The following KIF21A variants were observed in gnomAD, a reference collection of about 807,000 sequenced individuals.
KIF21A encodes the protein kinesin family member 21A, also known as kinesin-like protein KIF21A.
A neutral mutation model predicts 202.9 loss-of-function variants in KIF21A; 114 were observed. The observed-to-expected ratio is 0.56, with a 90% CI of 0.48 to 0.66. KIF21A has a LOEUF of 0.66. Ranked by LOEUF, KIF21A falls within the 30% of genes least tolerant of loss-of-function variation. KIF21A has a pLI of 0.00. For synonymous variants in KIF21A, 667 were observed against 670.8 expected, an observed-to-expected ratio of 0.99 and a Z score of 0.09; for missense variants, 1,677 against 1,994.9, an observed-to-expected ratio of 0.84 and a Z score of 3.04.
chr12:39,294,906 G>GGGTCT (rs1357097480), intron 37 of KIF21A, among the ~76,000 whole-genome samples: 1 of 152,192 alleles, frequency 6.6e-6, no homozygotes, highest in African/African-American at 2.4e-5. Flanking sequence ...CTTTAACACT[G>GGGTCT]GGTCTGCAGT....
chr12:39,367,960 T>C lies in KIF21A; in HGVS notation c.523A>G (p.Ile175Val). 1.2e-6 allele frequency: 2 copies of C among 1,607,412 alleles called. No homozygotes were observed. The highest frequency in any genetic ancestry group is 1.7e-6 in the Non-Finnish European group (2 of 1,174,262). Residue 175 changes from isoleucine to valine, a missense_variant, in exon 4 of 38, where the codon ATA becomes GTA. By Grantham distance (29) the Ile-to-Val change is conservative (BLOSUM62 3). This residue lies in a region of KIF21A where 966 missense variants were observed against 1,180.9 expected (regional missense o/e 0.82). Transcript: ENST00000361418. ...CCAGTTGAATCTTCATGAATTCTTA[T>C]ATTTGATTTTTTACTTTTTGCATCA... is the stretch of plus-strand genomic sequence containing the variant. ...DIDAKSKKSN[I>V]RIHEDSTGGI...
At chr12:39,403,200 G>A (rs1336858764) in intron 1 of KIF21A, among the ~76,000 whole-genome samples, 1 of 152,056 alleles carries the variant, frequency 6.6e-6, no homozygotes, top group Non-Finnish European at 1.5e-5. Context: ...TTGAACACCT[G>A]GGGGCTCTAT....
At chr12:39,427,392 T>G (rs1196896249) in intron 1 of KIF21A, among the ~76,000 whole-genome samples, 3 of 152,190 alleles carry the variant, frequency 2.0e-5, no homozygotes, top group African/African-American at 7.2e-5. Context: ...AACAGTAGTA[T>G]TATCTACTTT....
intron 12 of KIF21A, among the ~76,000 whole-genome samples, chr12:39,344,094 T>C (rs553147222): frequency 6.6e-6 from 1 of 152,216 alleles, no homozygotes; most frequent in South Asian, 2.1e-4. Context: ...GTTAAATCAT[T>C]TGGATGGAGA....
intron 17 of KIF21A, among the ~76,000 whole-genome samples, chr12:39,335,626 A>C (rs569646165): frequency 1.1e-4 from 17 of 152,292 alleles, no homozygotes; most frequent in Admixed American, 2.0e-4. Context: ...TTGTGAATAT[A>C]CTAAAAACAT....
At position 39,371,912 on chromosome 12, in the gene KIF21A, GAGTA is replaced by G. The variant is rs562129925; in HGVS notation, c.45-1655_45-1652del. On this transcript the variant is annotated intron_variant, in intron 1 of 37. Coordinates refer to ENST00000361418, the MANE Select transcript of KIF21A (RefSeq NM_001173464.2). The stretch of plus-strand genomic sequence containing the variant: ...CCACTGCACTCCAGCCTGGGCGACA[GAGTA>G]AGTGAGAATCCGTCTCAAAAAAAAA... Among the ~76,000 whole-genome samples, 407 of 149,614 alleles carry G rather than the reference GAGTA, an allele frequency of 2.7e-3. 1 individual carries two copies. The highest frequency in any genetic ancestry group is 0.017 in the South Asian group (79 of 4,716).
At chr12:39,399,045 G>T (rs1450368401) in intron 1 of KIF21A, among the ~76,000 whole-genome samples, 2 of 151,938 alleles carry the variant, frequency 1.3e-5, no homozygotes, top group Non-Finnish European at 2.9e-5. Flanking sequence ...GCAACACAGA[G>T]AAACCCCATC....
intron 23 of KIF21A, among the ~76,000 whole-genome samples, 163 bp downstream of exon 23, chr12:39,330,583 G>A (rs1946426190): frequency 6.6e-6 from 1 of 152,034 alleles, no homozygotes; most frequent in African/African-American, 2.4e-5. Context: ...TAATTACCTC[G>A]CCAAAATGTA....
At chr12:39,402,794 T>TC (rs1952267147) in intron 1 of KIF21A, among the ~76,000 whole-genome samples, 1 of 152,200 alleles carries the variant, frequency 6.6e-6, no homozygotes, top group Non-Finnish European at 1.5e-5. Context: ...GTTAGCGTAT[T>TC]TTATGTGTGG....
chr12:39,323,408 T>C (rs1425549864), intron 26 of KIF21A, among the ~76,000 whole-genome samples: 2 of 152,334 alleles, frequency 1.3e-5, no homozygotes, highest in African/African-American at 2.4e-5. Flanking sequence ...TCCTGGTTTT[T>C]CCCATGCTTA....
In KIF21A at chr12:39,352,776, T is replaced by C. The variant is rs867507289; in HGVS notation, c.1470-796A>G. On this transcript the variant is annotated intron_variant, in intron 10 of 37. Transcript: ENST00000361418. ...AACTTGAGTTTGATAATTGAAAAAATTCTTTTGTTTGCTCAAGCAGTCCTA... is the reference window on the plus strand; with the variant it reads ...AACTTGAGTTTGATAATTGAAAAAACTCTTTTGTTTGCTCAAGCAGTCCTA... 5.9e-5 allele frequency among the ~76,000 whole-genome samples: 9 copies of C among 152,088 alleles called. No homozygotes were observed. In the Middle Eastern group the frequency reaches 0.01, roughly 172 times the overall value.
chr12:39,373,078 C>A (rs1163508702), intron 1 of KIF21A, among the ~76,000 whole-genome samples: 1 of 152,260 alleles, frequency 6.6e-6, no homozygotes, highest in South Asian at 2.1e-4. Flanking sequence ...AACTCTTGCC[C>A]TCACCAACCT....
At chr12:39,331,264 G>A (rs1477705503) in intron 22 of KIF21A, among the ~76,000 whole-genome samples, 6 of 151,364 alleles carry the variant, frequency 4.0e-5, no homozygotes, top group Non-Finnish European at 8.8e-5. Flanking sequence ...ATTTGGGCAC[G>A]GTTTTCTTAC....
chr12:39,332,472 A>AG, intron 20 of KIF21A, 64 bp from the exon 21 acceptor site: 4 of 1,338,160 alleles, frequency 3.0e-6, no homozygotes, highest in South Asian at 1.2e-5. Flanking sequence ...AGTACCATCA[A>AG]ACCCCCCCAC....
intron 1 of KIF21A, among the ~76,000 whole-genome samples, chr12:39,380,745 A>G (rs1284898409): frequency 1.3e-5 from 2 of 152,132 alleles, no homozygotes; most frequent in African/African-American, 2.4e-5. Context: ...AGGTAGGTAG[A>G]TTGAAGGAAG....
At chr12:39,367,259 A>G (rs1949664597) in intron 4 of KIF21A, 95 bp from the exon 5 acceptor site, 2 of 1,286,902 alleles carry the variant, frequency 1.6e-6, no homozygotes, top group Admixed American at 3.5e-5. Context: ...CCACCATGTT[A>G]AGGGATATAA....
chr12:39,358,098 T>G (rs1394076583), intron 8 of KIF21A, 80 bp downstream of exon 8: 2 of 1,169,228 alleles, frequency 1.7e-6, no homozygotes, highest in Non-Finnish European at 2.6e-6. Flanking sequence ...CAGAAACACG[T>G]ATGTGTAAGG....
At chr12:39,388,104 A>G (rs1184186287) in intron 1 of KIF21A, among the ~76,000 whole-genome samples, 1 of 152,098 alleles carries the variant, frequency 6.6e-6, no homozygotes, top group Admixed American at 6.6e-5. Context: ...TTTGATCCCC[A>G]GTGTTGGAGG....
intron 17 of KIF21A, among the ~76,000 whole-genome samples, chr12:39,334,200 CAAAAAAAAA>C (rs576176350): frequency 2.0e-4 from 13 of 63,736 alleles, no homozygotes; most frequent in African/African-American, 6.3e-4. Context: ...GACTCCATCT[CAAAAAAAAA>C]AAAAAAAAAA....
Sources: allele counts gnomAD v4.1 joint callset (sites outside exome capture counted in the v4.1 genomes callset), GRCh38; gene constraint gnomAD v4.1.1; regional missense constraint gnomAD v4.1.1; transcripts MANE v1.5; gene names NCBI Gene and HGNC (gene_info 2026-07-23, HGNC 2026-07-21).